Variants in UBE2W observed in about 807,000 individuals in gnomAD.
UBE2W encodes ubiquitin conjugating enzyme E2 W.
A neutral mutation model predicts 27.2 loss-of-function variants in UBE2W; 18 were observed. The ratio of observed to expected loss-of-function variants is 0.66; its 90% confidence interval spans 0.46 to 0.98. The LOEUF is 0.98. Among genes scored for constraint, UBE2W ranks in the 50% least tolerant of loss-of-function variants. The pLI, the probability that UBE2W is intolerant of heterozygous loss-of-function variation, is 0.00. For missense variants in UBE2W, 90 were observed against 180.2 expected (o/e 0.50, Z 2.87); for synonymous variants, 53 against 57.2 (o/e 0.93, Z 0.33).
Position 73,791,084 on chromosome 8 carries a change from G to C in UBE2W, c.*3018C>G. On this transcript the variant is annotated 3_prime_UTR_variant, in exon 6 of 6. Transcript: ENST00000602593. ...AAGCTATTTCCAGCACTTTCTTCTG[G>C]GGATTAAAAATGATTTATTTCCCTG... 2.0e-6 allele frequency: 2 copies of C among 984,650 alleles called. No individual in the cohort carries two copies. Among genetic ancestry groups the C allele is most frequent in the Non-Finnish European group, 2.4e-6 (2 of 829,536 alleles). The allele number at this position is 984,650 out of a possible 1,614,324, so 61.0% of individuals were successfully genotyped here.
intron 4 of UBE2W, among the ~76,000 whole-genome samples, chr8:73,808,137 T>G (rs1398066519): frequency 6.6e-6 from 1 of 152,230 alleles, no homozygotes; most frequent in African/African-American, 2.4e-5. Context: ...TTAATAGTAG[T>G]AGAATTAACA....
At chr8:73,807,032 T>G (rs1172974059) in intron 4 of UBE2W, among the ~76,000 whole-genome samples, 1 of 152,164 alleles carries the variant, frequency 6.6e-6, no homozygotes, top group Non-Finnish European at 1.5e-5. Flanking sequence ...TTCCTGAAAT[T>G]TGTTGCATAC....
At chr8:73,806,009 G>A (rs1808888737) in intron 4 of UBE2W, among the ~76,000 whole-genome samples, 1 of 152,080 alleles carries the variant, frequency 6.6e-6, no homozygotes, top group African/African-American at 2.4e-5. Flanking sequence ...AAAAAAATTA[G>A]CTGGGCATGG....
Position 73,796,282 on chromosome 8 carries a change from A to T in UBE2W, c.443-2167T>A, listed in dbSNP as rs573948100. On this transcript the variant is annotated intron_variant, in intron 5 of 5. Transcript: ENST00000602593. ...TCTCTAAGCTAAAAGATGGCACTAA[A>T]ATTCTACCTAATATGTCAAACTACT... Among the ~76,000 whole-genome samples the T allele has an allele frequency of 7.9e-5, 12 of 152,234 alleles. No homozygotes were observed. In the South Asian group the frequency reaches 2.5e-3, roughly 32 times the overall value.
rs1808199327 is a variant in UBE2W, at chr8:73,791,549, G to A, written c.*2553C>T. 2.0e-6 allele frequency: 2 copies of A among 984,950 alleles called. No individual in the cohort carries two copies. Among genetic ancestry groups the A allele is most frequent in the African/African-American group, 3.5e-5 (2 of 57,192 alleles). The allele number at this position is 984,950 out of a possible 1,614,324, so 61.0% of individuals were successfully genotyped here. A position where few individuals can be genotyped will look rare whatever the true frequency, so the allele number is the denominator to read the frequency against. On this transcript the variant is annotated 3_prime_UTR_variant, in exon 6 of 6. Transcript: ENST00000602593. ...GATATTCTGGTTGTCTTTCAACAAT[G>A]CATTACAGAGAAATATTCTTTTTAT...
intron 5 of UBE2W, among the ~76,000 whole-genome samples, chr8:73,803,967 C>T (rs1469085944): frequency 1.3e-5 from 2 of 151,196 alleles, no homozygotes; most frequent in Admixed American, 6.6e-5. Flanking sequence ...AGGGTTTCAC[C>T]GTGTTAGCCA....
chr8:73,813,391 A>C (rs1162157160), intron 3 of UBE2W, among the ~76,000 whole-genome samples: 1 of 152,230 alleles, frequency 6.6e-6, no homozygotes, highest in African/African-American at 2.4e-5. Context: ...AAGCAAAGAG[A>C]ACCAGTAATG....
intron 1 of UBE2W, among the ~76,000 whole-genome samples, chr8:73,868,911 A>G (rs972649878): frequency 2.0e-5 from 3 of 152,232 alleles, no homozygotes; most frequent in African/African-American, 7.2e-5. Flanking sequence ...ACAAGCCTAC[A>G]TAAAAACTTG....
At position 73,791,225 on chromosome 8, in the gene UBE2W, CCTT is replaced by C; in HGVS notation, c.*2874_*2876del. ...AATTCTCTTAAAAACTGAAAACAAT[CCTT>C]CTCTCTAAACCTATGGCATTAATCC... On this transcript the variant is annotated 3_prime_UTR_variant, in exon 6 of 6. Coordinates refer to ENST00000602593, the MANE Select transcript of UBE2W (RefSeq NM_018299.6). The C allele has an allele frequency of 1.0e-6, 1 of 982,774 alleles. No homozygotes were observed. The highest frequency in any genetic ancestry group is 5.2e-4 in the Middle Eastern group (1 of 1,912). 60.9% of individuals were successfully genotyped at this position (982,774 alleles called of 1,614,324 possible).
At chr8:73,824,463 TTTCTC>T (rs1809747177) in intron 3 of UBE2W, among the ~76,000 whole-genome samples, 1 of 152,188 alleles carries the variant, frequency 6.6e-6, no homozygotes, top group South Asian at 2.1e-4. Flanking sequence ...ACAGAGAACT[TTTCTC>T]TTCACCATGT....
At chr8:73,780,763 A>T (rs1369993194) in intron 4 of UBE2W, among the ~76,000 whole-genome samples, 1 of 151,734 alleles carries the variant, frequency 6.6e-6, no homozygotes, top group East Asian at 2.0e-4. Context: ...GACTCAAGAG[A>T]TCCACCTGCC....
chr8:73,846,242 C>A (rs1586515109), intron 1 of UBE2W, among the ~76,000 whole-genome samples: 1 of 152,050 alleles, frequency 6.6e-6, no homozygotes, highest in East Asian at 1.9e-4. Context: ...ACTAAAAATA[C>A]AAAATTAGCC....
At chr8:73,812,934 G>A (rs561092744) in intron 3 of UBE2W, among the ~76,000 whole-genome samples, 1 of 151,128 alleles carries the variant, frequency 6.6e-6, no homozygotes, top group East Asian at 1.9e-4. Flanking sequence ...GAACCCGGGA[G>A]GCAGAGGTTG....
At chr8:73,799,669 G>A (rs565056063) in intron 5 of UBE2W, among the ~76,000 whole-genome samples, 1 of 152,230 alleles carries the variant, frequency 6.6e-6, no homozygotes, top group South Asian at 2.1e-4. Flanking sequence ...AGTATGTCAG[G>A]AAGCACCACA....
At chr8:73,804,806 C>T (rs567117874) in intron 5 of UBE2W, among the ~76,000 whole-genome samples, 5 of 151,956 alleles carry the variant, frequency 3.3e-5, no homozygotes, top group Non-Finnish European at 7.4e-5. Flanking sequence ...TCTCAGCTCA[C>T]TTCAACCTTC....
chr8:73,844,941 C>G (rs988151958), intron 1 of UBE2W, among the ~76,000 whole-genome samples: 1 of 151,782 alleles, frequency 6.6e-6, no homozygotes, highest in Non-Finnish European at 1.5e-5. Flanking sequence ...TGAGGAGCCC[C>G]TCCGCCTGGC....
downstream of UBE2W, among the ~76,000 whole-genome samples, chr8:73,785,224 C>T (rs1807915737): frequency 6.6e-6 from 1 of 152,110 alleles, no homozygotes. Flanking sequence ...CAGCTCACTG[C>T]AACCTCTGCC....
At chr8:73,785,886 A>G (rs1807940470), downstream of UBE2W, among the ~76,000 whole-genome samples, 1 of 152,244 alleles carries the variant, frequency 6.6e-6, no homozygotes, top group South Asian at 2.1e-4. Context: ...TTTATGCATG[A>G]CAGTACTTTT....
At chr8:73,801,106 AAAG>A (rs1808622795) in intron 5 of UBE2W, among the ~76,000 whole-genome samples, 1 of 152,176 alleles carries the variant, frequency 6.6e-6, no homozygotes, top group East Asian at 1.9e-4. Flanking sequence ...AGAAAAAGAA[AAAG>A]AATAAGAACT....
Sources: allele counts gnomAD v4.1 joint callset (sites outside exome capture counted in the v4.1 genomes callset), GRCh38; gene constraint gnomAD v4.1.1; transcripts MANE v1.5; gene names NCBI Gene and HGNC (gene_info 2026-07-23, HGNC 2026-07-21).